TRMT11: variants seen among roughly 807,000 people sequenced by gnomAD.
TRMT11 encodes tRNA methyltransferase 11, also known as tRNA (guanine(10)-N(2))-methyltransferase TRMT11.
Under a neutral mutation model 62.8 loss-of-function variants are expected in TRMT11, and 53 were observed. That is an observed-to-expected ratio of 0.84 (90% CI 0.68 to 1.06). The LOEUF (loss-of-function observed/expected upper bound fraction) is 1.06, where lower values mean the gene tolerates loss of function less well. Among genes scored for constraint, TRMT11 ranks in the 50% least tolerant of loss-of-function variants. The pLI is 0.00. For missense variants in TRMT11, 556 were observed against 553.4 expected (o/e 1.00, Z -0.05); for synonymous variants, 188 against 190.3 (o/e 0.99, Z 0.10).
intron 16 of TRMT11, among the ~76,000 whole-genome samples, chr6:126,046,010 C>G (rs1225753762): frequency 1.3e-5 from 2 of 152,034 alleles, no homozygotes; most frequent in African/African-American, 4.8e-5. Context: ...GAGGCATTAA[C>G]TAGTATTTGG....
At chr6:126,045,100 A>G (rs945288236) in intron 16 of TRMT11, among the ~76,000 whole-genome samples, 4 of 151,782 alleles carry the variant, frequency 2.6e-5, no homozygotes, top group Non-Finnish European at 4.4e-5. Context: ...AGACATGAGA[A>G]TTGCTTGAAC....
chr6:126,190,313 A>T (rs1327387171), intron 1 of TRMT11, among the ~76,000 whole-genome samples: 1 of 152,124 alleles, frequency 6.6e-6, no homozygotes, highest in Non-Finnish European at 1.5e-5. Context: ...TGATTGGATA[A>T]TGGGGGCTGT....
the TRMT11 span, among the ~76,000 whole-genome samples, chr6:126,270,553 T>C: frequency 3.3e-5 from 5 of 152,186 alleles, no homozygotes; most frequent in African/African-American, 2.4e-5. Flanking sequence ...TAGATAAAAG[T>C]ATTGTATCAA....
chr6:126,151,815 T>TTTCTTTCTTTAGTTTCCTTTCC (rs1464490632), intron 21 of TRMT11, among the ~76,000 whole-genome samples: 1 of 105,024 alleles, frequency 9.5e-6, no homozygotes, highest in African/African-American at 3.7e-5. Context: ...CTTTTCTTTC[T>TTTCTTTCTTTAGTTTCCTTTCC]TTCTTTCTTT....
intron 11 of TRMT11, among the ~76,000 whole-genome samples, chr6:126,016,880 A>C (rs1795063057): frequency 6.6e-6 from 1 of 152,120 alleles, no homozygotes; most frequent in African/African-American, 2.4e-5. Context: ...TCTCTCTTTA[A>C]GCCTAAAGCG....
intron 21 of TRMT11, among the ~76,000 whole-genome samples, chr6:126,171,346 A>G (rs1034268112): frequency 2.6e-5 from 4 of 151,802 alleles, no homozygotes; most frequent in African/African-American, 9.7e-5. Context: ...ATAGATAGAC[A>G]TTGTATCCTA....
At chr6:126,258,017 C>A in the TRMT11 span, 775 of 1,508,194 alleles carry the variant, frequency 5.1e-4, 2 homozygotes, top group African/African-American at 9.3e-3. Context: ...AGTCAACCAG[C>A]AGCTCCTCGA....
At chr6:125,986,769 G>GC (rs1343435462) in intron 1 of TRMT11, 147 bp downstream of exon 1, 2 of 714,702 alleles carry the variant, frequency 2.8e-6, no homozygotes, top group African/African-American at 3.6e-5. Flanking sequence ...CAGTCCTCGG[G>GC]CGGGGTGAGC....
At position 125,995,911 on chromosome 6, in the gene TRMT11, G is replaced by A. The variant is rs183600006; in HGVS notation, c.139-56G>A. ...CTCCTTATTGACTTCTTGAATAAAA[G>A]CATATGAGGCCATGTAGCCACTTAG... On this transcript the variant is annotated intron_variant, in intron 2 of 12. Transcript: ENST00000334379. 126 of 1,033,728 alleles carry A rather than the reference G, an allele frequency of 1.2e-4. No homozygotes were observed. In the African/African-American group the frequency reaches 1.5e-3, roughly 12 times the overall value. The allele number at this position is 1,033,728 out of a possible 1,614,324, so 64.0% of individuals were successfully genotyped here. A position where few individuals can be genotyped will look rare whatever the true frequency, so the allele number is the denominator to read the frequency against.
intron 7 of TRMT11, among the ~76,000 whole-genome samples, chr6:126,003,006 GTT>G (rs1792774451): frequency 6.6e-6 from 1 of 151,906 alleles, no homozygotes; most frequent in South Asian, 2.1e-4. Flanking sequence ...TCTTTATTCT[GTT>G]TTAGTTTTGC....
intron 17 of TRMT11, among the ~76,000 whole-genome samples, chr6:126,097,337 A>G (rs1029545903): frequency 2.0e-5 from 3 of 152,172 alleles, no homozygotes; most frequent in Non-Finnish European, 4.4e-5. Context: ...TGCCTACATC[A>G]CAAGACCTAT....
intron 16 of TRMT11, among the ~76,000 whole-genome samples, chr6:126,051,847 A>G (rs989653967): frequency 6.6e-6 from 1 of 152,234 alleles, no homozygotes; most frequent in African/African-American, 2.4e-5. Context: ...TGAGTATCCA[A>G]GAGCAAAGCC....
chr6:125,998,254 A>T lies in TRMT11; in HGVS notation c.326A>T (p.Lys109Ile). Residue 109 changes from lysine (K) to isoleucine (I), a missense_variant, in exon 5 of 13, where the codon AAA becomes ATA. Physicochemically the swap from Lys to Ile is moderately radical, Grantham distance 102. Coordinates refer to ENST00000334379, the MANE Select transcript of TRMT11 (RefSeq NM_001031712.3). ...TTTCTACATTCGGACTCTACATATA[A>T]AATAAAGATTCACACTTTTAATAAG... ...VPFLHSDSTY[K>I]IKIHTFNKTL... The T allele has an allele frequency of 6.2e-7, 1 of 1,601,520 alleles. No individual in the cohort carries two copies. Among genetic ancestry groups the T allele is most frequent in the Non-Finnish European group, 8.6e-7 (1 of 1,169,354 alleles).
At chr6:126,249,485 T>C in the TRMT11 span, among the ~76,000 whole-genome samples, 1 of 152,196 alleles carries the variant, frequency 6.6e-6, no homozygotes, top group South Asian at 2.1e-4. Flanking sequence ...TCTTGTTTTT[T>C]GTTTGTGTTA....
chr6:126,167,352 C>T (rs1778280479), intron 21 of TRMT11, among the ~76,000 whole-genome samples: 1 of 152,206 alleles, frequency 6.6e-6, no homozygotes, highest in African/African-American at 2.4e-5. Flanking sequence ...TAACAGCTTC[C>T]CTTGGCTAGG....
intron 21 of TRMT11, among the ~76,000 whole-genome samples, chr6:126,123,405 C>T (rs368856413): frequency 7.9e-5 from 12 of 152,164 alleles, no homozygotes; most frequent in East Asian, 5.8e-4. Flanking sequence ...AGTTGCCAGA[C>T]GCCAGATGAG....
At chr6:126,210,678 A>G in the TRMT11 span, among the ~76,000 whole-genome samples, 19 of 152,244 alleles carry the variant, frequency 1.2e-4, no homozygotes, top group South Asian at 2.1e-4. Context: ...TCTATTTGAC[A>G]TTTTCTCTTG....
chr6:126,021,941 G>T (rs1795875679), intron 12 of TRMT11, among the ~76,000 whole-genome samples: 1 of 151,830 alleles, frequency 6.6e-6, no homozygotes, highest in African/African-American at 2.4e-5. Context: ...TCTGTCGATT[G>T]ACAACCAAAG....
At chr6:126,012,894 AG>A (rs763248218) in intron 10 of TRMT11, 42 bp downstream of exon 10, 1 of 1,609,730 alleles carries the variant, frequency 6.2e-7, no homozygotes, top group Admixed American at 1.7e-5. Flanking sequence ...CCTTGAGAAG[AG>A]GCATGTGGCT....
Sources: gnomAD v4.1 joint callset for allele counts (sites outside exome capture counted in the v4.1 genomes callset) on GRCh38, gnomAD v4.1.1 for gene constraint, MANE v1.5 for transcripts, NCBI Gene and HGNC (gene_info 2026-07-23, HGNC 2026-07-21) for gene names.